The following DOCK10 variants were observed in gnomAD, a reference collection of about 807,000 sequenced individuals.
The protein encoded by DOCK10 is dedicator of cytokinesis 10.
DOCK10 carries 145 observed loss-of-function variants against 280.1 expected under a neutral mutation model. The observed-to-expected ratio is 0.52, with a 90% confidence interval of 0.45 to 0.59. The LOEUF is 0.59. Ranked by LOEUF, DOCK10 falls within the 20% of genes least tolerant of loss-of-function variation. The pLI is 0.00. For synonymous variants in DOCK10, 915 were observed against 942.2 expected, an observed-to-expected ratio of 0.97 and a Z score of 0.53; for missense variants, 2,368 against 2,651.7, an observed-to-expected ratio of 0.89 and a Z score of 2.35.
intron 44 of DOCK10, among the ~76,000 whole-genome samples, chr2:224,796,073 T>C (rs1371280377): frequency 1.3e-5 from 2 of 151,510 alleles, no homozygotes; most frequent in Non-Finnish European, 2.9e-5. Context: ...TTATTATTAT[T>C]TTAGAGACAA....
chr2:224,783,273 A>ATTTTTTTTTTTTTT (rs10713926), intron 50 of DOCK10, among the ~76,000 whole-genome samples: 1 of 143,998 alleles, frequency 6.9e-6, no homozygotes, highest in Non-Finnish European at 1.5e-5. Flanking sequence ...TCAGACTGGA[A>ATTTTTTTTTTTTTT]TTTTTTTTTT....
At chr2:224,803,044 A>G (rs1470227073) in intron 39 of DOCK10, among the ~76,000 whole-genome samples, 4 of 151,922 alleles carry the variant, frequency 2.6e-5, no homozygotes, top group Non-Finnish European at 4.4e-5. Flanking sequence ...AGGCATTTGG[A>G]TTGGCTTATT....
intron 1 of DOCK10, among the ~76,000 whole-genome samples, chr2:224,980,067 G>C (rs1265967291): frequency 6.6e-6 from 1 of 152,174 alleles, no homozygotes; most frequent in Non-Finnish European, 1.5e-5. Flanking sequence ...GCCAGAGTAA[G>C]AAGACGATTA....
At chr2:224,889,586 G>A (rs1205936687) in intron 4 of DOCK10, among the ~76,000 whole-genome samples, 1 of 152,150 alleles carries the variant, frequency 6.6e-6, no homozygotes, top group East Asian at 1.9e-4. Flanking sequence ...TCTTCTTGTA[G>A]AGTCTTAGAG....
At chr2:224,978,533 G>A (rs1252977109) in intron 1 of DOCK10, among the ~76,000 whole-genome samples, 1 of 152,202 alleles carries the variant, frequency 6.6e-6, no homozygotes, top group African/African-American at 2.4e-5. Context: ...GGAATTTCCT[G>A]TCTACCAGTG....
intron 4 of DOCK10, among the ~76,000 whole-genome samples, chr2:224,891,364 A>C (rs1699650513): frequency 6.6e-6 from 1 of 152,222 alleles, no homozygotes; most frequent in Admixed American, 6.5e-5. Context: ...AGATACATAT[A>C]AACTATTCTC....
At chr2:224,898,957 C>G (rs1007232906) in intron 3 of DOCK10, among the ~76,000 whole-genome samples, 2 of 152,174 alleles carry the variant, frequency 1.3e-5, no homozygotes, top group Non-Finnish European at 2.9e-5. Flanking sequence ...AGACAAGGAA[C>G]ATACAGGTCA....
chr2:225,005,296 C>T (rs1706536383), intron 1 of DOCK10, among the ~76,000 whole-genome samples: 1 of 152,128 alleles, frequency 6.6e-6, no homozygotes, highest in Non-Finnish European at 1.5e-5. Context: ...CTCCATGGGC[C>T]ATCAAACCAC....
intron 50 of DOCK10, among the ~76,000 whole-genome samples, chr2:224,780,179 C>T (rs1691216652): frequency 6.6e-6 from 1 of 152,194 alleles, no homozygotes; most frequent in Non-Finnish European, 1.5e-5. Context: ...CAAACTGCTA[C>T]AAAGTGTCAT....
intron 2 of DOCK10, 96 bp from the exon 3 acceptor site, chr2:224,916,880 T>C: frequency 1.1e-6 from 1 of 906,682 alleles, no homozygotes; most frequent in Non-Finnish European, 1.7e-6. Context: ...TTTTAGATCT[T>C]AGTATTTAAA....
intron 27 of DOCK10, among the ~76,000 whole-genome samples, chr2:224,823,940 A>G (rs1311019973): frequency 6.6e-6 from 1 of 152,228 alleles, no homozygotes; most frequent in Non-Finnish European, 1.5e-5. Flanking sequence ...TGTACAAAGT[A>G]AAATGTGAAC....
chr2:224,993,268 G>T (rs1401224129), intron 1 of DOCK10, among the ~76,000 whole-genome samples: 2 of 150,018 alleles, frequency 1.3e-5, no homozygotes, highest in Non-Finnish European at 3.0e-5. Context: ...TGGCTTTTTG[G>T]CAAATGATCT....
intron 28 of DOCK10, 41 bp downstream of exon 28, chr2:224,823,460 C>T: frequency 1.3e-6 from 2 of 1,509,568 alleles, no homozygotes; most frequent in Non-Finnish European, 1.8e-6. Context: ...CATCCACCAA[C>T]ATGGGGCCTT....
In DOCK10 at chr2:225,020,553, C is replaced by T. The variant is rs530919911; in HGVS notation, c.123+21699G>A. On this transcript the variant is annotated intron_variant, in intron 1 of 55. Transcript: ENST00000258390. ...GTGAGAACAAAAGTGACATTGATTG[C>T]TATGACGTATTCTAAAAAATTTCTT... 3.9e-5 allele frequency among the ~76,000 whole-genome samples: 6 copies of T among 152,278 alleles called. No individual in the cohort carries two copies. In the East Asian group the frequency reaches 1.2e-3, roughly 29 times the overall value.
At chr2:224,798,987 G>T (rs1372116925) in intron 41 of DOCK10, among the ~76,000 whole-genome samples, 2 of 152,070 alleles carry the variant, frequency 1.3e-5, no homozygotes, top group Non-Finnish European at 2.9e-5. Context: ...TGGTAGAGCT[G>T]CAAATGTTTT....
rs750258050 is a variant in DOCK10 at position 224,787,062 on chromosome 2, C to T, written c.5615G>A (p.Arg1872Gln). Residue 1872 changes from arginine (R) to glutamine (Q), a missense_variant, in exon 50 of 56, where the codon CGG becomes CAG. Around this residue, in one of 2 missense-constraint regions of DOCK10, gnomAD observed 1,159 missense variants for 1,400.8 expected, o/e 0.83. Transcript: ENST00000258390. Reference protein sequence around the residue: ...KVAEVVNSEKRLFGRYYRVAF... With the variant: ...KVAEVVNSEKQLFGRYYRVAF... ...CACACGATAGTAGCGACCAAACAGC[C>T]GCTTCTCCGAATTCACCACCTCTGC... is the stretch of plus-strand genomic sequence containing the variant. 5.6e-6 allele frequency: 9 copies of T among 1,614,002 alleles called. No homozygotes were observed. The highest frequency in any genetic ancestry group is 1.1e-5 in the South Asian group (1 of 91,078).
At chr2:224,927,788 A>G (rs1352136597) in intron 2 of DOCK10, among the ~76,000 whole-genome samples, 2 of 152,100 alleles carry the variant, frequency 1.3e-5, no homozygotes, top group Non-Finnish European at 2.9e-5. Context: ...CTGAATAAAT[A>G]TTGATTAAAC....
At chr2:225,013,693 G>A (rs1004334471) in intron 1 of DOCK10, among the ~76,000 whole-genome samples, 2 of 152,164 alleles carry the variant, frequency 1.3e-5, no homozygotes, top group Admixed American at 1.3e-4. Flanking sequence ...CTTTACTTAA[G>A]AACAGGCTTG....
In DOCK10 at chr2:224,980,730, G is replaced by C. The variant is rs1705701016; in HGVS notation, c.124-49062C>G. Among the ~76,000 whole-genome samples the C allele has an allele frequency of 2.0e-5, 3 of 152,238 alleles. No homozygotes were observed. The South Asian group carries it at 6.2e-4, about 32-fold the overall frequency. On this transcript the variant is annotated intron_variant, in intron 1 of 55. Transcript: ENST00000258390. Reference sequence around the variant, plus strand: ...CAGACTGGAAAATACACTGGCTTTTGGAATCATTGCTCTAAGTGTGATTCG... The same window carrying C: ...CAGACTGGAAAATACACTGGCTTTTCGAATCATTGCTCTAAGTGTGATTCG...
Sources: gnomAD v4.1 joint callset for allele counts (sites outside exome capture counted in the v4.1 genomes callset) on GRCh38, gnomAD v4.1.1 for gene constraint, gnomAD v4.1.1 regional missense constraint, MANE v1.5 for transcripts, NCBI Gene and HGNC (gene_info 2026-07-23, HGNC 2026-07-21) for gene names.